JAZF1: variants seen among roughly 807,000 people sequenced by gnomAD.
The protein encoded by JAZF1 is juxtaposed with another zinc finger protein 1.
In JAZF1, 8 loss-of-function variants were observed where a neutral mutation model predicts 26.4. That is an observed-to-expected ratio of 0.30 (90% confidence interval 0.18 to 0.55). The LOEUF (loss-of-function observed/expected upper bound fraction) is 0.55, where lower values mean the gene tolerates loss of function less well. JAZF1 is among the 20% of genes least tolerant of loss of function. JAZF1 has a pLI of 0.94. For synonymous variants in JAZF1, 126 were observed against 122.3 expected (o/e 1.03, Z -0.20); for missense variants, 199 against 322.0 (o/e 0.62, Z 2.92).
chr7:28,037,288 T>A (rs1783310609), intron 1 of JAZF1, among the ~76,000 whole-genome samples: 1 of 152,216 alleles, frequency 6.6e-6, no homozygotes, highest in Non-Finnish European at 1.5e-5. Context: ...GAGAAATCAG[T>A]GACTTTGTTT....
chr7:27,872,978 C>T (rs1192984255), intron 3 of JAZF1, among the ~76,000 whole-genome samples: 2 of 152,154 alleles, frequency 1.3e-5, no homozygotes, highest in Non-Finnish European at 2.9e-5. Context: ...ATACACTTTA[C>T]AGCTGTGTAA....
At chr7:28,075,257 T>C (rs1410050179) in intron 1 of JAZF1, among the ~76,000 whole-genome samples, 1 of 152,158 alleles carries the variant, frequency 6.6e-6, no homozygotes, top group African/African-American at 2.4e-5. Flanking sequence ...TCTCCCTCAG[T>C]GATAACCCCT....
At chr7:27,907,371 G>A (rs1364771010) in intron 2 of JAZF1, among the ~76,000 whole-genome samples, 3 of 152,166 alleles carry the variant, frequency 2.0e-5, no homozygotes, top group Non-Finnish European at 2.9e-5. Context: ...TTGTGCTCCT[G>A]ACCCTTTCCC....
At chr7:27,945,874 C>A (rs1341114510) in intron 2 of JAZF1, among the ~76,000 whole-genome samples, 4 of 152,086 alleles carry the variant, frequency 2.6e-5, no homozygotes, top group Non-Finnish European at 5.9e-5. Context: ...CTTCATCCTG[C>A]AGACAGAATG....
At chr7:28,136,851 G>A (rs1470427248) in intron 1 of JAZF1, among the ~76,000 whole-genome samples, 1 of 152,186 alleles carries the variant, frequency 6.6e-6, no homozygotes, top group Admixed American at 6.5e-5. Flanking sequence ...CTTCCTGAAG[G>A]AGAAGGCCTG....
intron 1 of JAZF1, among the ~76,000 whole-genome samples, chr7:28,009,500 T>C (rs181037045): frequency 6.6e-6 from 1 of 152,096 alleles, no homozygotes; most frequent in Non-Finnish European, 1.5e-5. Context: ...TTTTTTTTTT[T>C]TGAGACAGAG....
intron 1 of JAZF1, among the ~76,000 whole-genome samples, chr7:28,134,750 G>T (rs376570254): frequency 6.6e-6 from 1 of 152,006 alleles, no homozygotes; most frequent in Non-Finnish European, 1.5e-5. Context: ...TATAAGAAGA[G>T]AGAATTGAAA....
intron 1 of JAZF1, among the ~76,000 whole-genome samples, chr7:28,156,055 T>C (rs1332013244): frequency 2.6e-5 from 4 of 152,218 alleles, no homozygotes; most frequent in African/African-American, 9.6e-5. Context: ...TCAATCCAAA[T>C]TGCCACTCAC....
chr7:28,034,935 C>G (rs78789160), intron 1 of JAZF1, among the ~76,000 whole-genome samples: 2,529 of 152,066 alleles, frequency 0.017, 60 homozygotes, highest in African/African-American at 0.055. Context: ...GAAATACCAT[C>G]ACAGCCAGCA....
At chr7:28,066,756 G>T (rs1023008061) in intron 1 of JAZF1, among the ~76,000 whole-genome samples, 3 of 152,084 alleles carry the variant, frequency 2.0e-5, no homozygotes, top group Non-Finnish European at 4.4e-5. Context: ...ACCACCTAAT[G>T]GCACCTTCCA....
chr7:28,010,712 T>C (rs922218040), intron 1 of JAZF1, among the ~76,000 whole-genome samples: 1 of 152,238 alleles, frequency 6.6e-6, no homozygotes, highest in Non-Finnish European at 1.5e-5. Context: ...CAGACTCAGC[T>C]TCTCCAAAAG....
intron 2 of JAZF1, among the ~76,000 whole-genome samples, chr7:27,939,674 T>C (rs765853066): frequency 6.6e-6 from 1 of 152,092 alleles, no homozygotes; most frequent in Non-Finnish European, 1.5e-5. Flanking sequence ...AGACCCTGTA[T>C]GTAAGGCCAC....
chr7:27,833,783 T>C (rs1004316354), intron 4 of JAZF1, among the ~76,000 whole-genome samples: 4 of 152,226 alleles, frequency 2.6e-5, no homozygotes, highest in Non-Finnish European at 5.9e-5. Flanking sequence ...ACCAGCATAT[T>C]CTATGTAAGA....
chr7:27,870,075 A>ATTTTTT (rs371770357), intron 3 of JAZF1, among the ~76,000 whole-genome samples: 56 of 120,618 alleles, frequency 4.6e-4, no homozygotes, highest in East Asian at 1.2e-3. Flanking sequence ...CACCCGGTTA[A>ATTTTTT]TTTTTTTTTT....
intron 1 of JAZF1, among the ~76,000 whole-genome samples, chr7:28,071,030 A>G (rs1009172684): frequency 6.6e-6 from 1 of 152,200 alleles, no homozygotes; most frequent in African/African-American, 2.4e-5. Context: ...CATCTTACCT[A>G]GAACTGGTTA....
At chr7:28,020,472 TGG>T in intron 1 of JAZF1, 2 of 416,518 alleles carry the variant, frequency 4.8e-6, no homozygotes, top group Non-Finnish European at 1.0e-5. Flanking sequence ...CTTCTCCTCC[TGG>T]AAGCAGGAGT....
At chr7:28,000,248 C>CA (rs1382732825) in intron 1 of JAZF1, among the ~76,000 whole-genome samples, 1 of 152,192 alleles carries the variant, frequency 6.6e-6, no homozygotes, top group Non-Finnish European at 1.5e-5. Context: ...CCCCCATCCA[C>CA]ACCCTGGGAT....
At chr7:27,859,678 A>G (rs1010484474) in intron 3 of JAZF1, among the ~76,000 whole-genome samples, 3 of 150,960 alleles carry the variant, frequency 2.0e-5, no homozygotes, top group Admixed American at 1.3e-4. Flanking sequence ...ATGAGAACAC[A>G]TGGACACAGG....
At chr7:28,045,008 T>C (rs1250511628) in intron 1 of JAZF1, among the ~76,000 whole-genome samples, 3 of 152,068 alleles carry the variant, frequency 2.0e-5, no homozygotes, top group African/African-American at 7.2e-5. Context: ...GGGGTCACCA[T>C]CCTCTTAAAC....
Sources: allele counts gnomAD v4.1 joint callset (sites outside exome capture counted in the v4.1 genomes callset), GRCh38; gene constraint gnomAD v4.1.1; transcripts MANE v1.5; gene names NCBI Gene and HGNC (gene_info 2026-07-23, HGNC 2026-07-21).